The following COL11A1 variants were observed in gnomAD, a reference collection of about 807,000 sequenced individuals.
The protein encoded by COL11A1 is collagen type XI alpha 1 chain.
Under a neutral mutation model 265.2 loss-of-function variants are expected in COL11A1, and 74 were observed. The ratio of observed to expected loss-of-function variants is 0.28; its 90% CI spans 0.23 to 0.34. COL11A1 has a LOEUF of 0.34. COL11A1 is among the 10% of genes least tolerant of loss of function. The probability of loss-of-function intolerance (pLI) is 1.00; values close to 1 mark genes in which losing one functional copy is unlikely to be tolerated. For synonymous variants in COL11A1, 816 were observed against 727.6 expected, an observed-to-expected ratio of 1.12 and a Z score of -1.96; for missense variants, 2,165 against 2,263.6, an observed-to-expected ratio of 0.96 and a Z score of 0.88.
chr1:102,885,949 T>C (rs191933982), intron 63 of COL11A1, among the ~76,000 whole-genome samples: 1 of 152,276 alleles, frequency 6.6e-6, no homozygotes, highest in East Asian at 1.9e-4. Context: ...CATCCTTTTT[T>C]TTATGCTGGC....
chr1:103,043,511 T>G (rs1327088391), intron 4 of COL11A1, among the ~76,000 whole-genome samples: 2 of 152,088 alleles, frequency 1.3e-5, no homozygotes, highest in Non-Finnish European at 2.9e-5. Flanking sequence ...CTAGGCCTTC[T>G]CATAGTGAGT....
Position 102,935,081 on chromosome 1 carries a change from T to A in COL11A1, c.3471A>T (p.Pro1157=). Residue 1157 remains proline, a synonymous_variant, in exon 45 of 67, where the codon CCA becomes CCT. Coordinates refer to ENST00000370096, the MANE Select transcript of COL11A1 (RefSeq NM_001854.4). The stretch of plus-strand genomic sequence containing the variant: ...TCACAGCAATTCCAGGGGCACCAAC[T>A]GGTCCTTGAAGACCTGGGGGACCGG... The part of the protein sequence containing the change: ...GPPGPPGLQG[P]VGAPGIAGGD... 1 of 1,614,106 alleles carries A rather than the reference T, an allele frequency of 6.2e-7. No individual in the cohort carries two copies. The highest frequency in any genetic ancestry group is 8.5e-7 in the Non-Finnish European group (1 of 1,179,978).
chr1:103,025,121 T>A (rs1186296206), intron 7 of COL11A1, among the ~76,000 whole-genome samples: 1 of 152,182 alleles, frequency 6.6e-6, no homozygotes, highest in Non-Finnish European at 1.5e-5. Context: ...TGATTATTCA[T>A]CAGAGGGAGT....
chr1:102,974,785 A>G, intron 36 of COL11A1, 45 bp downstream of exon 36: 2 of 1,479,248 alleles, frequency 1.4e-6, no homozygotes, highest in Non-Finnish European at 1.9e-6. Context: ...TCAAAAATGT[A>G]AAAATATCAA....
intron 1 of COL11A1, 77 bp from the exon 2 acceptor site, chr1:103,083,049 T>G: frequency 7.3e-7 from 1 of 1,367,922 alleles, no homozygotes; most frequent in Non-Finnish European, 1.0e-6. Context: ...TAACACAGGA[T>G]AGTATGTCAT....
At chr1:102,887,178 C>G (rs1299863090) in intron 62 of COL11A1, 122 bp from the exon 63 acceptor site, 5 of 1,180,280 alleles carry the variant, frequency 4.2e-6, no homozygotes, top group Non-Finnish European at 6.2e-6. Context: ...TCATTAGCTA[C>G]AAAATTTATG....
chr1:102,879,958 C>G, intron 65 of COL11A1, 42 bp from the exon 66 acceptor site: 1 of 1,259,966 alleles, frequency 7.9e-7, no homozygotes. Context: ...GACTCTTTTC[C>G]TCTTTTATGC....
chr1:103,002,626 G>A, intron 22 of COL11A1, 121 bp downstream of exon 22: 2 of 1,108,298 alleles, frequency 1.8e-6, no homozygotes, highest in Non-Finnish European at 2.7e-6. Context: ...ATTAATGCAA[G>A]CTGTATCTAA....
At position 102,880,362 on chromosome 1, in the gene COL11A1, T is replaced by C. The variant is rs184036004; in HGVS notation, c.5041-446A>G. Among the ~76,000 whole-genome samples the C allele has an allele frequency of 2.7e-3, 415 of 152,340 alleles. 3 individuals carry two copies. The highest frequency in any genetic ancestry group is 3.4e-3 in the Middle Eastern group (1 of 294). ...ACTATTCCTTTCAAACATTTCAAAA[T>C]GTATCAACTTTACCCAAATCTGTAA... On this transcript the variant is annotated intron_variant, in intron 65 of 66. Transcript: ENST00000370096.
chr1:102,922,331 A>G (rs1417347070), intron 47 of COL11A1, among the ~76,000 whole-genome samples: 5 of 152,332 alleles, frequency 3.3e-5, no homozygotes, highest in African/African-American at 9.6e-5. Flanking sequence ...GATGGTAACC[A>G]TATCTGGAAA....
intron 4 of COL11A1, among the ~76,000 whole-genome samples, chr1:103,070,209 A>AAATAATAATAATAATAAT (rs140020554): frequency 2.8e-5 from 4 of 143,400 alleles, no homozygotes; most frequent in South Asian, 2.2e-4. Flanking sequence ...CTACTCAGCA[A>AAATAATAATAATAATAAT]AATAATAATA....
At chr1:103,092,735 CTT>C (rs1673425939) in intron 1 of COL11A1, among the ~76,000 whole-genome samples, 1 of 152,084 alleles carries the variant, frequency 6.6e-6, no homozygotes, top group Non-Finnish European at 1.5e-5. Flanking sequence ...TCTCATGTTT[CTT>C]GTGTGCTTTT....
chr1:102,988,247 A>C (rs1248719546), intron 29 of COL11A1, among the ~76,000 whole-genome samples: 1 of 152,142 alleles, frequency 6.6e-6, no homozygotes. Context: ...CTGAATCAGC[A>C]CACAAGGACC....
In COL11A1 at chr1:103,031,257, A is replaced by C. The variant is rs776608546; in HGVS notation, c.652-13T>G. On this transcript the variant is annotated splice_polypyrimidine_tract_variant and intron_variant, in intron 4 of 66. Coordinates refer to ENST00000370096, the MANE Select transcript of COL11A1 (RefSeq NM_001854.4). Reference sequence around the variant, plus strand: ...GCTGAATGTCCCCCTGGGAAAAAAAAAAAAACAAAAACAAACAGACACAGA... The same window carrying C: ...GCTGAATGTCCCCCTGGGAAAAAAACAAAAACAAAAACAAACAGACACAGA... 1.7e-4 allele frequency: 265 copies of C among 1,601,020 alleles called. No homozygotes were observed. The highest frequency in any genetic ancestry group is 9.8e-4 in the South Asian group (89 of 90,790).
intron 63 of COL11A1, 42 bp from the exon 64 acceptor site, chr1:102,883,353 C>T: frequency 7.8e-7 from 1 of 1,277,512 alleles, no homozygotes; most frequent in South Asian, 1.2e-5. Context: ...AATTCATTGA[C>T]ATCATTGTTG....
chr1:103,083,672 C>A (rs1672618183), intron 1 of COL11A1, among the ~76,000 whole-genome samples: 1 of 152,118 alleles, frequency 6.6e-6, no homozygotes, highest in Non-Finnish European at 1.5e-5. Context: ...TATATGCACA[C>A]AAAGGTGTAT....
chr1:102,888,823 T>C, intron 60 of COL11A1, 43 bp downstream of exon 60: 1 of 1,612,492 alleles, frequency 6.2e-7, no homozygotes, highest in Non-Finnish European at 8.5e-7. Flanking sequence ...GTTATATTTG[T>C]AACTTAACCC....
intron 14 of COL11A1, among the ~76,000 whole-genome samples, chr1:103,008,790 CTT>C (rs1023396041): frequency 6.6e-6 from 1 of 152,118 alleles, no homozygotes; most frequent in Admixed American, 6.6e-5. Flanking sequence ...TTGAAATTGT[CTT>C]TTGTGTGTGC....
In COL11A1 at chr1:102,934,439, A is replaced by T. The variant is rs1352355671; in HGVS notation, c.3600+10T>A. ...AAATGATGGAGTAAACAATGACAGG[A>T]TCATCTTACCTGAAGACCTATTGGA... is the stretch of plus-strand genomic sequence containing the variant. On this transcript the variant is annotated intron_variant, in intron 46 of 66. Transcript: ENST00000370096. The T allele has an allele frequency of 6.4e-7, 1 of 1,569,854 alleles. No homozygotes were observed. The highest frequency in any genetic ancestry group is 8.8e-7 in the Non-Finnish European group (1 of 1,139,612).
Sources: gnomAD v4.1 joint callset for allele counts (sites outside exome capture counted in the v4.1 genomes callset) on GRCh38, gnomAD v4.1.1 for gene constraint, MANE v1.5 for transcripts, NCBI Gene and HGNC (gene_info 2026-07-23, HGNC 2026-07-21) for gene names.